Variants in AGL observed in about 807,000 individuals in gnomAD.
The protein encoded by AGL is glycogen debranching enzyme.
Under a neutral mutation model 199.3 loss-of-function variants are expected in AGL, and 128 were observed. The observed-to-expected ratio is 0.64, with a 90% CI of 0.56 to 0.74. The LOEUF is 0.74. Among genes scored for constraint, AGL ranks in the 30% least tolerant of loss-of-function variants. The pLI, the probability that AGL is intolerant of heterozygous loss-of-function variation, is 0.00. For synonymous variants in AGL, 584 were observed against 594.7 expected, an observed-to-expected ratio of 0.98 and a Z score of 0.26; for missense variants, 1,809 against 1,820.8, an observed-to-expected ratio of 0.99 and a Z score of 0.12.
chr1:99,919,867 T>A (rs932277297), intron 33 of AGL, among the ~76,000 whole-genome samples: 1 of 152,162 alleles, frequency 6.6e-6, no homozygotes, highest in East Asian at 1.9e-4. Flanking sequence ...AACTACCCAC[T>A]CTGGACCACT....
At chr1:99,919,877 T>G (rs1370774244) in intron 33 of AGL, among the ~76,000 whole-genome samples, 1 of 152,138 alleles carries the variant, frequency 6.6e-6, no homozygotes, top group African/African-American at 2.4e-5. Flanking sequence ...TCTGGACCAC[T>G]CTCACCCTTG....
intron 17 of AGL, 95 bp from the exon 18 acceptor site, chr1:99,884,025 C>A: frequency 9.5e-7 from 1 of 1,052,248 alleles, no homozygotes. Context: ...AATTTGTTTT[C>A]AACTTTAAGT....
intron 33 of AGL, among the ~76,000 whole-genome samples, chr1:99,920,801 G>A (rs1278930714): frequency 6.6e-6 from 1 of 152,092 alleles, no homozygotes; most frequent in African/African-American, 2.4e-5. Flanking sequence ...CATTACAGAT[G>A]TCTGTACTTT....
At chr1:99,852,274 C>G (rs1649016635) in intron 2 of AGL, among the ~76,000 whole-genome samples, 2 of 150,612 alleles carry the variant, frequency 1.3e-5, no homozygotes, top group Non-Finnish European at 3.0e-5. Context: ...ACGGGTAGAT[C>G]TAGAGCCAGA....
intron 21 of AGL, 41 bp downstream of exon 21, chr1:99,888,149 T>C (rs747034740): frequency 6.2e-7 from 1 of 1,608,128 alleles, no homozygotes; most frequent in South Asian, 1.1e-5. Context: ...TGTTTTTCTT[T>C]TAGGGTCATC....
chr1:99,893,852 T>A (rs1653096456), intron 24 of AGL, among the ~76,000 whole-genome samples: 1 of 152,180 alleles, frequency 6.6e-6, no homozygotes, highest in East Asian at 1.9e-4. Context: ...GGGTTCATTT[T>A]AAACTGATTG....
At position 99,901,759 on chromosome 1, in the gene AGL, AT is replaced by A. The variant is rs538372461; in HGVS notation, c.3588+900del. ...TTATGTTAATAGTTTGTTATATATG[AT>A]TGGGGGGGCTGGGAGGGGATAGTAG... On this transcript the variant is annotated intron_variant, in intron 26 of 33. Transcript: ENST00000361915. Among the ~76,000 whole-genome samples, 25 of 130,814 alleles carry A rather than the reference AT, an allele frequency of 1.9e-4. No individual in the cohort carries two copies. In the East Asian group the frequency reaches 6.5e-3, roughly 34 times the overall value. The allele number at this position is 130,814 out of a possible 152,430, so 85.8% of individuals were successfully genotyped here. A position where few individuals can be genotyped will look rare whatever the true frequency, so the allele number is the denominator to read the frequency against.
At chr1:99,851,871 C>T (rs913450944) in intron 2 of AGL, among the ~76,000 whole-genome samples, 3 of 151,782 alleles carry the variant, frequency 2.0e-5, no homozygotes, top group Non-Finnish European at 1.5e-5. Context: ...TTTTAAATTT[C>T]GCTAATGTTT....
intron 7 of AGL, among the ~76,000 whole-genome samples, chr1:99,871,751 C>T (rs1033990311): frequency 2.0e-5 from 3 of 152,008 alleles, no homozygotes; most frequent in Non-Finnish European, 4.4e-5. Flanking sequence ...TACTAAAGGG[C>T]CTCTATCTTC....
chr1:99,881,779 T>C, intron 17 of AGL, 88 bp downstream of exon 17: 1 of 1,171,398 alleles, frequency 8.5e-7, no homozygotes, highest in African/African-American at 1.6e-5. Context: ...ATCATGTATA[T>C]ATCATATATA....
rs929562802 is a variant in AGL, at chr1:99,861,134, A to T, written c.83-369A>T. On this transcript the variant is annotated intron_variant, in intron 2 of 33. Coordinates refer to ENST00000361915, the MANE Select transcript of AGL (RefSeq NM_000642.3). ...TCTGTTGCAGTTAGAAAAATACTAGAGAAGGTCTCTCCTCAGATGCCTGCC... is the reference window on the plus strand; with the variant it reads ...TCTGTTGCAGTTAGAAAAATACTAGTGAAGGTCTCTCCTCAGATGCCTGCC... 13 of 1,076,196 alleles carry T rather than the reference A, an allele frequency of 1.2e-5. No homozygotes were observed. The African/African-American group carries it at 2.2e-4, about 18-fold the overall frequency. The allele number at this position is 1,076,196 out of a possible 1,614,324, so 66.7% of individuals were successfully genotyped here. A position where few individuals can be genotyped will look rare whatever the true frequency, so the allele number is the denominator to read the frequency against.
At chr1:99,891,851 A>T (rs1652924290) in intron 23 of AGL, 112 bp downstream of exon 23, 1 of 1,300,112 alleles carries the variant, frequency 7.7e-7, no homozygotes, top group South Asian at 1.2e-5. Context: ...CATAGAACTG[A>T]AAAGGCTTGT....
At chr1:99,891,385 A>G in intron 22 of AGL, 29 bp downstream of exon 22, 1 of 1,611,994 alleles carries the variant, frequency 6.2e-7, no homozygotes, top group East Asian at 2.2e-5. Context: ...TCGTCCCAAA[A>G]AATCAAGGAC....
chr1:99,902,294 A>C (rs1417408974), intron 26 of AGL, among the ~76,000 whole-genome samples: 2 of 152,172 alleles, frequency 1.3e-5, no homozygotes, highest in African/African-American at 2.4e-5. Context: ...TTTAGCTCAT[A>C]ATTTACCCCC....
intron 2 of AGL, among the ~76,000 whole-genome samples, chr1:99,857,630 C>G (rs1478937618): frequency 1.3e-5 from 2 of 151,244 alleles, no homozygotes; most frequent in Non-Finnish European, 2.9e-5. Context: ...GCCAACACAG[C>G]GAAACCCCGT....
chr1:99,851,848 A>T (rs1648975371), intron 2 of AGL, among the ~76,000 whole-genome samples: 1 of 152,222 alleles, frequency 6.6e-6, no homozygotes, highest in South Asian at 2.1e-4. Context: ...AGTCATAAAC[A>T]TTTCAAAGGA....
chr1:99,895,354 A>G (rs537526579), intron 24 of AGL, among the ~76,000 whole-genome samples: 3 of 152,364 alleles, frequency 2.0e-5, no homozygotes, highest in African/African-American at 7.2e-5. Flanking sequence ...ATACTATTTT[A>G]TCTTGTATAT....
At chr1:99,888,491 T>A (rs772306014) in intron 21 of AGL, among the ~76,000 whole-genome samples, 4 of 152,214 alleles carry the variant, frequency 2.6e-5, no homozygotes, top group Non-Finnish European at 5.9e-5. Context: ...TTTCTTGACC[T>A]GGTTTATTAT....
chr1:99,890,430 C>A (rs1037924368), intron 21 of AGL, among the ~76,000 whole-genome samples: 4 of 151,978 alleles, frequency 2.6e-5, no homozygotes, highest in Non-Finnish European at 4.4e-5. Context: ...ATTGTGAGCC[C>A]CTTGAGGGAA....
Sources: gnomAD v4.1 joint callset for allele counts (sites outside exome capture counted in the v4.1 genomes callset) on GRCh38, gnomAD v4.1.1 for gene constraint, MANE v1.5 for transcripts, NCBI Gene and HGNC (gene_info 2026-07-23, HGNC 2026-07-21) for gene names.